CFTR: variants seen among roughly 807,000 people sequenced by gnomAD.
CFTR encodes the protein CF transmembrane conductance regulator.
A neutral mutation model predicts 171.6 loss-of-function variants in CFTR; 181 were observed. The ratio of observed to expected loss-of-function variants is 1.05; its 90% confidence interval spans 0.93 to 1.19. CFTR has a LOEUF of 1.19. Among genes scored for constraint, CFTR ranks in the 50% most tolerant of loss-of-function variants. The pLI is 0.00. For synonymous variants in CFTR, 583 were observed against 608.0 expected (o/e 0.96, Z 0.60); for missense variants, 1,968 against 1,734.7 (o/e 1.13, Z -2.39).
intron 2 of CFTR, among the ~76,000 whole-genome samples, chr7:117,507,689 T>A (rs1404323949): frequency 6.6e-6 from 1 of 152,206 alleles, no homozygotes; most frequent in Non-Finnish European, 1.5e-5. Context: ...ATAGAAGGGC[T>A]CTCATTAGCA....
At chr7:117,522,555 G>T (rs1798700853) in intron 3 of CFTR, among the ~76,000 whole-genome samples, 1 of 152,150 alleles carries the variant, frequency 6.6e-6, no homozygotes, top group South Asian at 2.1e-4. Context: ...ATCTTGATTT[G>T]TGTCTGATAC....
intron 3 of CFTR, among the ~76,000 whole-genome samples, chr7:117,528,485 C>G (rs2116666016): frequency 8.6e-6 from 1 of 115,918 alleles, no homozygotes; most frequent in Non-Finnish European, 1.8e-5. Context: ...ACACCAAAAG[C>G]AATGGCAACA....
At chr7:117,654,652 T>C (rs1222278495) in intron 24 of CFTR, among the ~76,000 whole-genome samples, 1 of 152,138 alleles carries the variant, frequency 6.6e-6, no homozygotes, top group Non-Finnish European at 1.5e-5. Context: ...CCTGTCACCA[T>C]GTAAGACATA....
chr7:117,644,670 C>T (rs892740104), intron 23 of CFTR, among the ~76,000 whole-genome samples: 8 of 152,232 alleles, frequency 5.3e-5, no homozygotes, highest in African/African-American at 1.2e-4. Context: ...AATCACAACA[C>T]GTCATTAGTT....
At chr7:117,511,433 G>A (rs1025779366) in intron 3 of CFTR, among the ~76,000 whole-genome samples, 4 of 152,168 alleles carry the variant, frequency 2.6e-5, no homozygotes, top group Non-Finnish European at 5.9e-5. Context: ...CCTTCATGGC[G>A]TATTAATTAT....
intron 18 of CFTR, among the ~76,000 whole-genome samples, chr7:117,607,985 A>T (rs572531614): frequency 6.6e-5 from 10 of 152,314 alleles, no homozygotes; most frequent in Admixed American, 5.2e-4. Flanking sequence ...AACTGGTCCC[A>T]AATATAATAT....
chr7:117,596,888 A>G (rs1792138233), intron 15 of CFTR, among the ~76,000 whole-genome samples: 1 of 152,198 alleles, frequency 6.6e-6, no homozygotes, highest in Admixed American at 6.5e-5. Flanking sequence ...GACACTTTGT[A>G]TCTAGCTAAT....
At chr7:117,662,171 T>C (rs1383618340) in intron 24 of CFTR, among the ~76,000 whole-genome samples, 1 of 152,196 alleles carries the variant, frequency 6.6e-6, no homozygotes, top group Non-Finnish European at 1.5e-5. Context: ...CTTAAGCCAG[T>C]GCTCAGTCAT....
intron 23 of CFTR, among the ~76,000 whole-genome samples, chr7:117,644,349 C>T (rs115950854): frequency 9.6e-4 from 145 of 151,818 alleles, no homozygotes; most frequent in African/African-American, 3.4e-3. Flanking sequence ...AACCAAGAGA[C>T]GCTTTTATTT....
chr7:117,574,997 G>A (rs1460244832), intron 11 of CFTR, among the ~76,000 whole-genome samples: 1 of 151,614 alleles, frequency 6.6e-6, no homozygotes, highest in East Asian at 1.9e-4. Context: ...TATACCTTCT[G>A]TTCCTGATGG....
At chr7:117,511,317 A>G (rs1316970936) in intron 3 of CFTR, among the ~76,000 whole-genome samples, 2 of 152,238 alleles carry the variant, frequency 1.3e-5, no homozygotes, top group East Asian at 1.9e-4. Context: ...GGCCAAACCT[A>G]TAGACAAAAA....
rs1423198823 is a variant in CFTR at position 117,635,920 on chromosome 7, T to C, written c.3718-6518T>C. The stretch of plus-strand genomic sequence containing the variant: ...GTAAGAAAAATAGTTCTAATTTTAT[T>C]ATAAAATGAAATACCTTCATTTATT... On this transcript the variant is annotated intron_variant, in intron 22 of 26. Transcript: ENST00000003084. Among the ~76,000 whole-genome samples the C allele has an allele frequency of 2.6e-5, 4 of 152,154 alleles. No homozygotes were observed. The East Asian group carries it at 7.7e-4, about 29-fold the overall frequency.
intron 10 of CFTR, among the ~76,000 whole-genome samples, chr7:117,553,693 T>G (rs1799307353): frequency 6.6e-6 from 1 of 152,170 alleles, no homozygotes; most frequent in African/African-American, 2.4e-5. Context: ...ACAGGAGGAA[T>G]TTCTCTCTAT....
intron 21 of CFTR, among the ~76,000 whole-genome samples, chr7:117,621,880 C>T (rs1792587212): frequency 6.6e-6 from 1 of 152,172 alleles, no homozygotes; most frequent in African/African-American, 2.4e-5. Flanking sequence ...TTTGAGTCTT[C>T]CTTTGCCCAT....
At chr7:117,567,241 G>T (rs1791616911) in intron 11 of CFTR, among the ~76,000 whole-genome samples, 1 of 152,114 alleles carries the variant, frequency 6.6e-6, no homozygotes, top group Admixed American at 6.5e-5. Flanking sequence ...ATTTAAGGAG[G>T]TCAAGAGAAA....
intron 3 of CFTR, among the ~76,000 whole-genome samples, chr7:117,511,447 T>C (rs568352472): frequency 2.0e-5 from 3 of 152,288 alleles, no homozygotes; most frequent in African/African-American, 7.2e-5. Flanking sequence ...TAATTATCCA[T>C]GCATGGGGGT....
intron 21 of CFTR, among the ~76,000 whole-genome samples, chr7:117,618,878 TC>T (rs1792532061): frequency 6.6e-6 from 1 of 152,216 alleles, no homozygotes; most frequent in Non-Finnish European, 1.5e-5. Context: ...ATTATCAGAA[TC>T]TAATTTAATA....
chr7:117,493,295 C>A (rs2116621339), intron 1 of CFTR, among the ~76,000 whole-genome samples: 1 of 151,896 alleles, frequency 6.6e-6, no homozygotes, highest in Admixed American at 6.6e-5. Flanking sequence ...GTATGTTTTG[C>A]TATTGGAAAA....
rs750559671 is a variant in CFTR, at chr7:117,666,962, G to T, written c.4297G>T (p.Glu1433Ter). ...QYDSIQKLLN[E>*]RSLFRQAISP... ...CGATTCCATCCAGAAACTGCTGAAC[G>T]AGAGGAGCCTCTTCCGGCAAGCCAT... The change falls in exon 27 of 27, where the codon GAG (glutamate) becomes TAG (stop). Residue 1433 changes from glutamate to a stop codon, truncating the protein, a stop_gained. Coordinates refer to ENST00000003084, the MANE Select transcript of CFTR (RefSeq NM_000492.4). LOFTEE classifies it high-confidence loss of function. The T allele has an allele frequency of 1.2e-6, 2 of 1,613,982 alleles. No individual in the cohort carries two copies. The highest frequency in any genetic ancestry group is 1.7e-6 in the Non-Finnish European group (2 of 1,179,974).
Sources: gnomAD v4.1 joint callset for allele counts (sites outside exome capture counted in the v4.1 genomes callset) on GRCh38, gnomAD v4.1.1 for gene constraint, MANE v1.5 for transcripts, NCBI Gene and HGNC (gene_info 2026-07-23, HGNC 2026-07-21) for gene names.